PDXDC1: variants seen among roughly 807,000 people sequenced by gnomAD.
PDXDC1 encodes the protein pyridoxal dependent decarboxylase domain containing 1.
Under a neutral mutation model 100.1 loss-of-function variants are expected in PDXDC1, and 42 were observed. The observed-to-expected ratio is 0.42, with a 90% CI of 0.33 to 0.54. PDXDC1 has a LOEUF of 0.54. Ranked by LOEUF, PDXDC1 falls within the 20% of genes least tolerant of loss-of-function variation. PDXDC1 has a pLI of 0.10. For synonymous variants in PDXDC1, 260 were observed against 371.7 expected (o/e 0.70, Z 3.46); for missense variants, 636 against 979.2 (o/e 0.65, Z 4.68).
chr16:15,131,229 C>T (rs745494568), intron 16 of PDXDC1: 24 of 1,591,444 alleles, frequency 1.5e-5, no homozygotes, highest in Middle Eastern at 2.2e-4. Flanking sequence ...CAGCCCAGTC[C>T]GAGTTGTTGG....
chr16:15,058,053 T>TGGTTA (rs754055136), intron 16 of PDXDC1, among the ~76,000 whole-genome samples: 1 of 152,188 alleles, frequency 6.6e-6, no homozygotes, highest in Admixed American at 6.5e-5. Flanking sequence ...GGCTCATGCC[T>TGGTTA]GTAACCCCAG....
intron 16 of PDXDC1, chr16:15,109,221 G>C (rs2046926482): frequency 6.7e-6 from 1 of 149,296 alleles, no homozygotes; most frequent in South Asian, 2.2e-4. Flanking sequence ...CTGTGAAAAT[G>C]AATCTGGAGG....
At chr16:15,140,530 G>T (rs1318261302), downstream of PDXDC1, among the ~76,000 whole-genome samples, 2 of 150,810 alleles carry the variant, frequency 1.3e-5, no homozygotes, top group Admixed American at 6.6e-5. Context: ...AACAAAAAAA[G>T]AAAAACCAGG....
chr16:14,981,596 G>T (rs1233849546), intron 1 of PDXDC1, among the ~76,000 whole-genome samples: 1 of 152,284 alleles, frequency 6.6e-6, no homozygotes, highest in Non-Finnish European at 1.5e-5. Context: ...TCATTATCTG[G>T]AAGTGTTTAC....
At chr16:15,129,030 C>T (rs1340746160) in intron 16 of PDXDC1, among the ~76,000 whole-genome samples, 1 of 151,498 alleles carries the variant, frequency 6.6e-6, no homozygotes, top group Non-Finnish European at 1.5e-5. Flanking sequence ...TGGTCTCGAT[C>T]TCCTGACCCC....
At chr16:15,050,459 G>A (rs1276940654) in intron 16 of PDXDC1, among the ~76,000 whole-genome samples, 3 of 152,180 alleles carry the variant, frequency 2.0e-5, no homozygotes, top group African/African-American at 4.8e-5. Context: ...GCAGCTGGGT[G>A]TGATGGCTCC....
At chr16:15,122,997 A>T (rs981670600) in intron 16 of PDXDC1, among the ~76,000 whole-genome samples, 1 of 150,944 alleles carries the variant, frequency 6.6e-6, no homozygotes, top group Admixed American at 6.6e-5. Context: ...AGGTTTAGCT[A>T]CAGGTCACGG....
chr16:15,148,950 T>C, the PDXDC1 span, among the ~76,000 whole-genome samples: 2 of 152,334 alleles, frequency 1.3e-5, no homozygotes, highest in East Asian at 1.9e-4. Flanking sequence ...CGAGTTTGCA[T>C]CCGTGTCTAA....
intron 6 of PDXDC1, among the ~76,000 whole-genome samples, chr16:15,007,088 T>G (rs1359447981): frequency 6.6e-6 from 1 of 152,258 alleles, no homozygotes; most frequent in Admixed American, 6.5e-5. Context: ...TTCCTGTATT[T>G]TATTTAGGGT....
intron 16 of PDXDC1, chr16:15,133,878 C>T (rs890194455): frequency 6.7e-5 from 103 of 1,529,174 alleles, no homozygotes; most frequent in Admixed American, 1.3e-4. Context: ...CAGCGGCGGG[C>T]GGTTGGGGGA....
chr16:15,139,893 C>T (rs2048437945), downstream of PDXDC1, among the ~76,000 whole-genome samples: 2 of 151,862 alleles, frequency 1.3e-5, no homozygotes, highest in Non-Finnish European at 2.9e-5. Context: ...ATCAAGAGAT[C>T]GAGACCATCC....
At chr16:15,146,551 T>C in the PDXDC1 span, among the ~76,000 whole-genome samples, 2 of 151,168 alleles carry the variant, frequency 1.3e-5, no homozygotes, top group Non-Finnish European at 2.9e-5. Flanking sequence ...CAAGCAGGAG[T>C]AGGCCGGGTC....
In PDXDC1 at chr16:15,085,841, T is replaced by C. The variant is rs116966794; in HGVS notation, c.1400-53038T>C. 5,919 of 1,279,640 alleles carry C rather than the reference T, an allele frequency of 4.6e-3. 334 individuals are homozygous for C. In the East Asian group the frequency reaches 0.12, roughly 27 times the overall value. The allele number at this position is 1,279,640 out of a possible 1,614,324, so 79.3% of individuals were successfully genotyped here. ...ATCCAAAGTTAGCCCAATGATTAAT[T>C]AAACGCACAATCTGAAAAAAAGTAA... On this transcript the variant is annotated intron_variant, in intron 16 of 16. Coordinates refer to the PDXDC1 transcript ENST00000535621.
chr16:15,111,094 C>T lies in PDXDC1; in HGVS notation c.1400-27785C>T, dbSNP rs2047033184. Among the ~76,000 whole-genome samples, 2 of 146,764 alleles carry T rather than the reference C, an allele frequency of 1.4e-5. 1 individual carries two copies. Among genetic ancestry groups the T allele is most frequent in the African/African-American group, 4.9e-5 (2 of 40,744 alleles). On this transcript the variant is annotated intron_variant, in intron 16 of 16. Transcript: ENST00000535621. ...AGTGAGCGGAGATCACACCACTGCA[C>T]TCCAGCCTGAGCGACAGAATGAGAC...
chr16:15,104,249 C>T lies in PDXDC1; in HGVS notation c.1400-34630C>T, dbSNP rs540278683. On this transcript the variant is annotated intron_variant, in intron 16 of 16. Coordinates refer to the PDXDC1 transcript ENST00000535621. ...TAAAAAAACCCCTACGATTAAAAACCTCAGGTCCCTCAGGCAATCATACCA... is the reference window on the plus strand; with the variant it reads ...TAAAAAAACCCCTACGATTAAAAACTTCAGGTCCCTCAGGCAATCATACCA... 3.1e-4 allele frequency: 404 copies of T among 1,311,058 alleles called. 1 individual carries two copies. The African/African-American group carries it at 5.1e-3, about 17-fold the overall frequency. 81.2% of individuals were successfully genotyped at this position (1,311,058 alleles called of 1,614,324 possible). A position where few individuals can be genotyped will look rare whatever the true frequency, so the allele number is the denominator to read the frequency against.
chr16:15,008,641 T>C (rs2040999840), intron 6 of PDXDC1, 138 bp from the exon 7 acceptor site: 1 of 690,750 alleles, frequency 1.4e-6, no homozygotes, highest in African/African-American at 1.8e-5. Context: ...TTAACATCAA[T>C]TTATAATATT....
chr16:15,133,284 G>C, intron 16 of PDXDC1: 1 of 1,580,760 alleles, frequency 6.3e-7, no homozygotes, highest in Non-Finnish European at 8.6e-7. Context: ...ACGGTGACCA[G>C]GGCCAGCGAG....
intron 16 of PDXDC1, chr16:15,127,413 T>G: frequency 7.1e-7 from 1 of 1,415,586 alleles, no homozygotes; most frequent in Non-Finnish European, 9.6e-7. Flanking sequence ...GCTCTGGGCA[T>G]GGTGCCGAGG....
chr16:15,031,705 G>GCATTACTCTGACATTGTGAA (rs2043075886), intron 16 of PDXDC1, 30 bp from the exon 17 acceptor site: 1 of 1,591,022 alleles, frequency 6.3e-7, no homozygotes, highest in African/African-American at 1.3e-5. Flanking sequence ...CATCTCGTGA[G>GCATTACTCTGACATTGTGAA]CATTTCTCTG....
Sources: allele counts gnomAD v4.1 joint callset (sites outside exome capture counted in the v4.1 genomes callset), GRCh38; gene constraint gnomAD v4.1.1; transcripts MANE v1.5; gene names NCBI Gene and HGNC (gene_info 2026-07-23, HGNC 2026-07-21).